The following DENND5A variants were observed in gnomAD, a reference collection of about 807,000 sequenced individuals.
DENND5A encodes DENN domain-containing protein 5A.
DENND5A carries 64 observed loss-of-function variants against 140.3 expected under a neutral mutation model. That is an observed-to-expected ratio of 0.46 (90% CI 0.37 to 0.56). DENND5A has a LOEUF of 0.56. DENND5A is among the 20% of genes least tolerant of loss of function. The pLI is 0.00. For synonymous variants in DENND5A, 605 were observed against 607.7 expected, an observed-to-expected ratio of 1.00 and a Z score of 0.07; for missense variants, 1,292 against 1,593.8, an observed-to-expected ratio of 0.81 and a Z score of 3.22.
chr11:9,237,282 T>C (rs1851043716), intron 1 of DENND5A, among the ~76,000 whole-genome samples: 1 of 151,716 alleles, frequency 6.6e-6, no homozygotes, highest in Admixed American at 6.6e-5. Flanking sequence ...GCCAGGGGTG[T>C]GGTGGCACAC....
Position 9,179,038 on chromosome 11 carries a change from A to T in DENND5A, c.1491T>A (p.Asp497Glu), listed in dbSNP as rs140062756. 7.4e-4 allele frequency: 1,192 copies of T among 1,614,142 alleles called. No individual in the cohort carries two copies. Among genetic ancestry groups the T allele is most frequent in the Non-Finnish European group, 8.2e-4 (963 of 1,180,014 alleles). The change falls in exon 7 of 23, where the codon GAT becomes GAA. Residue 497 changes from aspartate (D) to glutamate (E), a missense_variant. Physicochemically the swap from Asp to Glu is conservative, Grantham distance 45. This residue lies in a region of DENND5A where 566 missense variants were observed against 650.4 expected (regional missense o/e 0.87). Coordinates refer to ENST00000328194, the MANE Select transcript of DENND5A (RefSeq NM_015213.4). ...CTTCTTCATCACACTGAACTTTGAG[A>T]TCCTTATTGCTGCTGGGGTCTTCAC... ...EVREDPSSNKDLKVQCDEEEL... is the reference protein window; with the variant it reads ...EVREDPSSNKELKVQCDEEEL...
chr11:9,164,672 G>A (rs1848125790), intron 11 of DENND5A, among the ~76,000 whole-genome samples: 1 of 152,122 alleles, frequency 6.6e-6, no homozygotes, highest in Non-Finnish European at 1.5e-5. Flanking sequence ...TAAACGGAAT[G>A]ACACATTTTA....
chr11:9,148,928 C>T (rs1847520078), intron 15 of DENND5A, among the ~76,000 whole-genome samples: 1 of 152,196 alleles, frequency 6.6e-6, no homozygotes, highest in African/African-American at 2.4e-5. Context: ...AACAAAGAAA[C>T]TGTGTGCATG....
At chr11:9,227,643 C>T (rs1039365039) in intron 1 of DENND5A, among the ~76,000 whole-genome samples, 14 of 151,978 alleles carry the variant, frequency 9.2e-5, no homozygotes, top group African/African-American at 3.4e-4. Flanking sequence ...TTCTAGGTAA[C>T]TTGTCCAAGG....
chr11:9,218,192 G>C (rs1028219058), intron 1 of DENND5A, among the ~76,000 whole-genome samples: 6 of 150,886 alleles, frequency 4.0e-5, no homozygotes, highest in African/African-American at 1.5e-4. Flanking sequence ...TCAGGAGGCA[G>C]AGGCTGCAGT....
intron 1 of DENND5A, among the ~76,000 whole-genome samples, chr11:9,210,399 GTCTA>G (rs940972073): frequency 1.3e-5 from 2 of 152,218 alleles, no homozygotes; most frequent in African/African-American, 4.8e-5. Flanking sequence ...CTATGTGTGA[GTCTA>G]TCTTTGTGAA....
At chr11:9,143,690 A>C (rs1279165155) in intron 19 of DENND5A, among the ~76,000 whole-genome samples, 1 of 152,246 alleles carries the variant, frequency 6.6e-6, no homozygotes, top group Non-Finnish European at 1.5e-5. Flanking sequence ...CTAACACCTT[A>C]GAGTTCTATC....
chr11:9,150,053 GCTT>G, intron 15 of DENND5A, 25 bp downstream of exon 15: 1 of 1,593,534 alleles, frequency 6.3e-7, no homozygotes, highest in Non-Finnish European at 8.5e-7. Flanking sequence ...CTGGGAGCCT[GCTT>G]CTACTCCTGG....
At chr11:9,263,754 AT>A (rs938728669) in intron 1 of DENND5A, among the ~76,000 whole-genome samples, 3 of 146,570 alleles carry the variant, frequency 2.0e-5, no homozygotes, top group African/African-American at 7.4e-5. Flanking sequence ...AGGCAGGAGA[AT>A]GGCGTGAACC....
At chr11:9,144,788 CAAA>C (rs112911509) in intron 18 of DENND5A, among the ~76,000 whole-genome samples, 2 of 116,330 alleles carry the variant, frequency 1.7e-5, no homozygotes. Context: ...GACTCCGTCT[CAAA>C]AAAAAAAAAA....
Position 9,180,813 on chromosome 11 carries a change from G to A in DENND5A, c.1409C>T (p.Ala470Val), listed in dbSNP as rs1848702144. The A allele has an allele frequency of 6.2e-7, 1 of 1,614,172 alleles. No homozygotes were observed. ...TCTCTTGACCAAGGCTTGCAGCCGG[G>A]CAATAGTTTCATTCTCCTTAAGAAG... ...YELLKENETI[A>V]RLQALVKRTG... Residue 470 changes from alanine (A) to valine (V), a missense_variant, in exon 6 of 23, where the codon GCC (alanine) becomes GTC (valine). Transcript: ENST00000328194.
At chr11:9,161,565 T>A (rs2136140905) in intron 11 of DENND5A, among the ~76,000 whole-genome samples, 1 of 152,358 alleles carries the variant, frequency 6.6e-6, no homozygotes, top group Admixed American at 6.5e-5. Context: ...GAAACATATC[T>A]GAAATAACTG....
intron 1 of DENND5A, among the ~76,000 whole-genome samples, chr11:9,225,446 G>A (rs754995900): frequency 2.8e-4 from 42 of 152,204 alleles, no homozygotes; most frequent in Non-Finnish European, 5.1e-4. Flanking sequence ...ATTCTTAGTG[G>A]GCAGATGTTG....
chr11:9,170,297 T>G, intron 9 of DENND5A: 3 of 984,474 alleles, frequency 3.0e-6, no homozygotes, highest in Non-Finnish European at 3.6e-6. Context: ...CAGTTCAGGT[T>G]CTGATTATTT....
At chr11:9,191,709 C>T (rs1849133030) in intron 5 of DENND5A, among the ~76,000 whole-genome samples, 1 of 152,256 alleles carries the variant, frequency 6.6e-6, no homozygotes, top group East Asian at 1.9e-4. Flanking sequence ...AAAGCTGATG[C>T]CAAAGAGGAA....
intron 6 of DENND5A, among the ~76,000 whole-genome samples, 183 bp from the exon 7 acceptor site, chr11:9,179,256 C>T (rs1017037093): frequency 1.3e-5 from 2 of 151,880 alleles, no homozygotes; most frequent in African/African-American, 4.8e-5. Flanking sequence ...GACTCAGACA[C>T]AGAGGAGAGA....
chr11:9,195,361 C>T (rs779684024), intron 4 of DENND5A, among the ~76,000 whole-genome samples: 5 of 152,180 alleles, frequency 3.3e-5, no homozygotes, highest in Non-Finnish European at 5.9e-5. Flanking sequence ...CAGGAATGAG[C>T]CACTGCGCTT....
At chr11:9,169,807 T>C (rs760965205) in intron 10 of DENND5A, 49 bp downstream of exon 10, 54 of 1,109,946 alleles carry the variant, frequency 4.9e-5, no homozygotes, top group Non-Finnish European at 6.4e-5. Context: ...AGAGAAGGAG[T>C]GCACAGCATG....
At chr11:9,174,846 A>C (rs1398715217) in intron 8 of DENND5A, among the ~76,000 whole-genome samples, 2 of 152,222 alleles carry the variant, frequency 1.3e-5, no homozygotes, top group African/African-American at 2.4e-5. Flanking sequence ...ACAAACTAGT[A>C]AGATCCTTAA....
Sources: allele counts gnomAD v4.1 joint callset (sites outside exome capture counted in the v4.1 genomes callset), GRCh38; gene constraint gnomAD v4.1.1; regional missense constraint gnomAD v4.1.1; transcripts MANE v1.5; gene names NCBI Gene and HGNC (gene_info 2026-07-23, HGNC 2026-07-21).